HSD17B11: variants seen among roughly 807,000 people sequenced by gnomAD.
HSD17B11 encodes the protein hydroxysteroid 17-beta dehydrogenase 11, also known as estradiol 17-beta-dehydrogenase 11.
Under a neutral mutation model 27.8 loss-of-function variants are expected in HSD17B11, and 22 were observed. The ratio of observed to expected loss-of-function variants is 0.79; its 90% confidence interval spans 0.56 to 1.13. The LOEUF is 1.13. HSD17B11 is among the 50% of genes most tolerant of loss of function. The pLI, the probability that HSD17B11 is intolerant of heterozygous loss-of-function variation, is 0.00. For missense variants in HSD17B11, 314 were observed against 351.1 expected (o/e 0.89, Z 0.84); for synonymous variants, 117 against 132.8 (o/e 0.88, Z 0.82).
intron 4 of HSD17B11, among the ~76,000 whole-genome samples, chr4:87,366,985 C>A (rs1025807934): frequency 6.6e-6 from 1 of 152,088 alleles, no homozygotes; most frequent in African/African-American, 2.4e-5. Context: ...AAGGAAACTT[C>A]TTTTAAGCTA....
At chr4:87,379,778 T>TA (rs1720081525) in intron 2 of HSD17B11, among the ~76,000 whole-genome samples, 1 of 95,926 alleles carries the variant, frequency 1.0e-5, no homozygotes, top group African/African-American at 3.3e-5. Flanking sequence ...TATAATATAG[T>TA]AATAGTATAT....
In HSD17B11 at chr4:87,357,948, AATTT is replaced by A. The variant is rs1185969835; in HGVS notation, c.558-536_558-533del. Among the ~76,000 whole-genome samples, 24 of 97,314 alleles carry A rather than the reference AATTT, an allele frequency of 2.5e-4. 1 individual carries two copies. The highest frequency in any genetic ancestry group is 5.4e-4 in the African/African-American group (12 of 22,246). The allele number at this position is 97,314 out of a possible 152,430, so 63.8% of individuals were successfully genotyped here. A position where few individuals can be genotyped will look rare whatever the true frequency, so the allele number is the denominator to read the frequency against. On this transcript the variant is annotated intron_variant, in intron 4 of 6. Transcript: ENST00000358290. The stretch of plus-strand genomic sequence containing the variant: ...TTTGTAACTGAACATTCATTAGAGA[AATTT>A]TTTTTTTTTTTTTTTTTTTTTTTTT...
intron 4 of HSD17B11, among the ~76,000 whole-genome samples, chr4:87,368,215 G>GT (rs1735643732): frequency 6.6e-6 from 1 of 152,148 alleles, no homozygotes; most frequent in South Asian, 2.1e-4. Flanking sequence ...TACTCAGGAG[G>GT]CTGAGGCAGG....
At chr4:87,371,882 T>C (rs1468614395) in intron 4 of HSD17B11, among the ~76,000 whole-genome samples, 3 of 152,110 alleles carry the variant, frequency 2.0e-5, no homozygotes, top group Non-Finnish European at 4.4e-5. Flanking sequence ...GCTGGAAGTG[T>C]ACAAACCCCT....
rs370889800 is a variant in HSD17B11 at position 87,343,586 on chromosome 4, C to T, written c.696-2980G>A. Among the ~76,000 whole-genome samples, 76 of 138,142 alleles carry T rather than the reference C, an allele frequency of 5.5e-4. No individual in the cohort carries two copies. In the East Asian group the frequency reaches 9.3e-3, roughly 17 times the overall value. 90.6% of individuals were successfully genotyped at this position (138,142 alleles called of 152,430 possible). ...TTTTTGAGACAGAGTCTCGCTCTGT[C>T]GCCCAGGCTGGAGTGCAGTGGCACG... is the stretch of plus-strand genomic sequence containing the variant. On this transcript the variant is annotated intron_variant, in intron 5 of 6. Coordinates refer to ENST00000358290, the MANE Select transcript of HSD17B11 (RefSeq NM_016245.5).
intron 5 of HSD17B11, among the ~76,000 whole-genome samples, chr4:87,355,673 G>A (rs1485691366): frequency 2.6e-5 from 4 of 152,192 alleles, no homozygotes; most frequent in African/African-American, 4.8e-5. Flanking sequence ...GGAGGCCAAG[G>A]TGGGCGGATC....
At chr4:87,361,486 G>A (rs1735511991) in intron 4 of HSD17B11, among the ~76,000 whole-genome samples, 1 of 152,034 alleles carries the variant, frequency 6.6e-6, no homozygotes, top group African/African-American at 2.4e-5. Flanking sequence ...ACTTGCTTTC[G>A]GCCGGGCATG....
chr4:87,378,793 G>A (rs7697166), intron 2 of HSD17B11, among the ~76,000 whole-genome samples: 5,510 of 88,872 alleles, frequency 0.062, 755 homozygotes, highest in African/African-American at 0.22. Flanking sequence ...ATATATATAT[G>A]ATTTTATATA....
intron 3 of HSD17B11, chr4:87,373,108 C>T (rs889574691): frequency 3.7e-6 from 1 of 270,534 alleles, no homozygotes; most frequent in East Asian, 9.6e-5. Flanking sequence ...GGGAGGCCAA[C>T]TCGGGCAGAT....
intron 5 of HSD17B11, among the ~76,000 whole-genome samples, chr4:87,352,795 C>T (rs9283038): frequency 6.6e-5 from 1 of 15,146 alleles, no homozygotes; most frequent in South Asian, 1.3e-3. Context: ...TAGGACCCTC[C>T]GAGCCAGGTG....
At chr4:87,366,775 T>C (rs911224098) in intron 4 of HSD17B11, among the ~76,000 whole-genome samples, 2 of 152,178 alleles carry the variant, frequency 1.3e-5, no homozygotes, top group Non-Finnish European at 2.9e-5. Flanking sequence ...TTCTAGCAGA[T>C]GTTCTTAAAT....
chr4:87,380,935 C>CT (rs143873532), intron 2 of HSD17B11, among the ~76,000 whole-genome samples: 2,728 of 145,352 alleles, frequency 0.019, 98 homozygotes, highest in African/African-American at 0.065. Context: ...AATCCCAGCA[C>CT]TTTGGGAGGC....
intron 1 of HSD17B11, among the ~76,000 whole-genome samples, chr4:87,389,114 G>A (rs1306738344): frequency 6.6e-6 from 1 of 152,188 alleles, no homozygotes; most frequent in African/African-American, 2.4e-5. Context: ...GCTCAGATGT[G>A]TCTGACTATA....
chr4:87,344,663 C>A (rs1025961075), intron 5 of HSD17B11, among the ~76,000 whole-genome samples: 1 of 152,154 alleles, frequency 6.6e-6, no homozygotes, highest in Non-Finnish European at 1.5e-5. Flanking sequence ...CTAACAGATG[C>A]CTCACACCAT....
rs947443598 is a variant in HSD17B11, at chr4:87,377,966, T to C, written c.319-3136A>G. Among the ~76,000 whole-genome samples, 52 of 152,236 alleles carry C rather than the reference T, an allele frequency of 3.4e-4. 1 individual carries two copies. Among genetic ancestry groups the C allele is most frequent in the African/African-American group, 1.2e-3 (51 of 41,528 alleles). ...AAGATGAAAACATGAAACAGAATGG[T>C]TGAGTTTCATACCCAAGGTCACATG... On this transcript the variant is annotated intron_variant, in intron 2 of 6. Transcript: ENST00000358290.
intron 4 of HSD17B11, among the ~76,000 whole-genome samples, chr4:87,358,802 A>AAT (rs1735447990): frequency 2.0e-5 from 3 of 152,054 alleles, no homozygotes; most frequent in Non-Finnish European, 2.9e-5. Flanking sequence ...TTTTAAAAAA[A>AAT]ATTTCTTACC....
intron 1 of HSD17B11, chr4:87,385,905 ACT>A (rs1720302457): frequency 7.0e-6 from 1 of 142,574 alleles, no homozygotes; most frequent in African/African-American, 2.8e-5. Flanking sequence ...ACAGTGCGAG[ACT>A]CTATCTCAAA....
intron 1 of HSD17B11, 122 bp from the exon 2 acceptor site, chr4:87,382,484 G>T: frequency 3.3e-6 from 2 of 607,798 alleles, no homozygotes; most frequent in Admixed American, 2.8e-5. Flanking sequence ...AATTGGGCAA[G>T]ATTGTTAACA....
At chr4:87,381,033 A>C (rs1038490360) in intron 2 of HSD17B11, among the ~76,000 whole-genome samples, 1 of 150,604 alleles carries the variant, frequency 6.6e-6, no homozygotes, top group East Asian at 2.0e-4. Flanking sequence ...AAAAACACAA[A>C]AATTAGCCCG....
Sources: gnomAD v4.1 joint callset for allele counts (sites outside exome capture counted in the v4.1 genomes callset) on GRCh38, gnomAD v4.1.1 for gene constraint, MANE v1.5 for transcripts, NCBI Gene and HGNC (gene_info 2026-07-23, HGNC 2026-07-21) for gene names.